FRMPD4: variants seen among roughly 807,000 people sequenced by gnomAD.
FRMPD4 encodes FERM and PDZ domain-containing protein 4.
Under a neutral mutation model 94.1 loss-of-function variants are expected in FRMPD4, and 22 were observed. That is an observed-to-expected ratio of 0.23 (90% CI 0.17 to 0.33). The LOEUF (loss-of-function observed/expected upper bound fraction) is 0.33. Ranked by LOEUF, FRMPD4 falls within the 10% of genes least tolerant of loss-of-function variation. The pLI is 1.00. For missense variants in FRMPD4, 1,111 were observed against 1,339.9 expected (o/e 0.83, Z 2.67); for synonymous variants, 631 against 548.6 (o/e 1.15, Z -2.10).
chrX:12,219,761 G>A lies in FRMPD4; in HGVS notation c.41+80749G>A, dbSNP rs751610731. The stretch of plus-strand genomic sequence containing the variant: ...TACAGACATTATAAGAGATTCCTTG[G>A]TACCAGGCCCTCTATTGAGGCAAAC... On this transcript the variant is annotated intron_variant, in intron 1 of 16. Coordinates refer to ENST00000675598, the MANE Select transcript of FRMPD4 (RefSeq NM_001368397.1). 6.3e-5 allele frequency among the ~76,000 whole-genome samples: 7 copies of A among 111,848 alleles called. No individual in the cohort carries two copies. In the South Asian group the frequency reaches 2.6e-3, roughly 42 times the overall value.
intron 1 of FRMPD4, among the ~76,000 whole-genome samples, chrX:12,141,145 G>A (rs765347259): frequency 8.9e-6 from 1 of 112,269 alleles, no homozygotes; most frequent in East Asian, 2.8e-4. Context: ...CAGAAAGCAA[G>A]TTCTTTTCTC....
intron 1 of FRMPD4, among the ~76,000 whole-genome samples, chrX:12,217,569 C>T (rs1212182065): frequency 8.9e-6 from 1 of 112,034 alleles, no homozygotes; most frequent in Non-Finnish European, 1.9e-5. Flanking sequence ...TCTTAATTGG[C>T]AAACTGGATT....
chrX:12,571,631 G>A (rs1267678811), intron 2 of FRMPD4, among the ~76,000 whole-genome samples: 1 of 112,852 alleles, frequency 8.9e-6, no homozygotes, highest in Non-Finnish European at 1.9e-5. Context: ...TGCTCAATTA[G>A]AGGCCTGTGG....
intron 4 of FRMPD4, among the ~76,000 whole-genome samples, chrX:12,643,862 T>C (rs930674972): frequency 5.4e-5 from 6 of 111,987 alleles, no homozygotes; most frequent in African/African-American, 1.9e-4. Flanking sequence ...TGGTCTCCCA[T>C]TGGAATCATC....
At chrX:11,916,013 C>G (rs1388421163) in intron 3 of FRMPD4, among the ~76,000 whole-genome samples, 1 of 111,776 alleles carries the variant, frequency 8.9e-6, no homozygotes, top group Non-Finnish European at 1.9e-5. Context: ...CCAAAAGAGG[C>G]AGCAAATTAA....
intron 3 of FRMPD4, among the ~76,000 whole-genome samples, chrX:11,912,781 C>CAAA (rs759252236): frequency 1.1e-4 from 9 of 85,300 alleles, no homozygotes; most frequent in African/African-American, 1.3e-4. Flanking sequence ...AATGGAATTA[C>CAAA]AAAAAAAAAA....
intron 1 of FRMPD4, among the ~76,000 whole-genome samples, chrX:12,340,259 A>G (rs1162689360): frequency 8.9e-6 from 1 of 112,793 alleles, no homozygotes; most frequent in Non-Finnish European, 1.9e-5. Context: ...CAACGTTTCA[A>G]TACTTAGCAT....
At chrX:12,492,875 T>C (rs1401240404) in intron 1 of FRMPD4, among the ~76,000 whole-genome samples, 1 of 111,748 alleles carries the variant, frequency 8.9e-6, no homozygotes, top group East Asian at 2.8e-4. Flanking sequence ...GAGAAAGTTA[T>C]GTTCTGAGGG....
intron 2 of FRMPD4, among the ~76,000 whole-genome samples, chrX:12,595,474 C>A (rs933053546): frequency 1.1e-4 from 12 of 111,740 alleles, no homozygotes; most frequent in African/African-American, 3.9e-4. Context: ...CAATTATGAT[C>A]ATAAGAAATC....
intron 1 of FRMPD4, among the ~76,000 whole-genome samples, chrX:12,374,268 T>C (rs2056202460): frequency 8.9e-6 from 1 of 112,442 alleles, no homozygotes; most frequent in Non-Finnish European, 1.9e-5. Flanking sequence ...AAAGATATTA[T>C]GTTACAGAAT....
intron 1 of FRMPD4, among the ~76,000 whole-genome samples, chrX:12,451,481 G>A (rs1455305538): frequency 9.0e-6 from 1 of 111,441 alleles, no homozygotes; most frequent in Admixed American, 9.5e-5. Context: ...TGGTCTTGAA[G>A]GAAAGGGACA....
intron 3 of FRMPD4, among the ~76,000 whole-genome samples, chrX:11,992,510 T>C (rs1346079098): frequency 8.9e-6 from 1 of 111,761 alleles, no homozygotes; most frequent in East Asian, 2.8e-4. Context: ...TGTTTTGCAC[T>C]TCAATATTTT....
intron 1 of FRMPD4, among the ~76,000 whole-genome samples, chrX:11,841,517 A>G (rs898232499): frequency 1.8e-5 from 2 of 108,341 alleles, no homozygotes; most frequent in African/African-American, 3.4e-5. Context: ...GCATTTTTTC[A>G]TGTGTTTTTT....
intron 1 of FRMPD4, among the ~76,000 whole-genome samples, chrX:12,216,780 C>T (rs1392688985): frequency 1.8e-5 from 2 of 111,965 alleles, no homozygotes; most frequent in Non-Finnish European, 3.8e-5. Context: ...TAGAAAACTT[C>T]AAACTTTTAA....
intron 1 of FRMPD4, among the ~76,000 whole-genome samples, chrX:12,439,046 C>A (rs1013478745): frequency 4.5e-5 from 5 of 110,898 alleles, no homozygotes; most frequent in African/African-American, 1.6e-4. Context: ...GAGGTAGTGA[C>A]TCCATCCAGA....
At chrX:11,977,748 A>G (rs2054374596) in intron 3 of FRMPD4, among the ~76,000 whole-genome samples, 1 of 111,517 alleles carries the variant, frequency 9.0e-6, no homozygotes, top group African/African-American at 3.3e-5. Context: ...CTTCCAGGCT[A>G]TAGGTAGATT....
At chrX:12,662,312 G>A (rs774752900) in intron 4 of FRMPD4, among the ~76,000 whole-genome samples, 1 of 110,055 alleles carries the variant, frequency 9.1e-6, no homozygotes, top group South Asian at 3.9e-4. Context: ...TCAACCCATC[G>A]CCTATATTAG....
chrX:12,382,886 T>C (rs902043210), intron 1 of FRMPD4, among the ~76,000 whole-genome samples: 4 of 112,242 alleles, frequency 3.6e-5, no homozygotes, highest in South Asian at 7.4e-4. Flanking sequence ...TACACTGCTT[T>C]CTCCCCAGAG....
intron 1 of FRMPD4, among the ~76,000 whole-genome samples, chrX:12,479,446 G>GTA (rs1170405748): frequency 1.1e-4 from 4 of 35,765 alleles, no homozygotes; most frequent in Non-Finnish European, 2.3e-4. Flanking sequence ...ACACATATAT[G>GTA]TATATATATG....
Sources: gnomAD v4.1 joint callset for allele counts (sites outside exome capture counted in the v4.1 genomes callset) on GRCh38, gnomAD v4.1.1 for gene constraint, MANE v1.5 for transcripts, NCBI Gene and HGNC (gene_info 2026-07-23, HGNC 2026-07-21) for gene names.